The following SDK1 variants were observed in gnomAD, a reference collection of about 807,000 sequenced individuals.
The protein encoded by SDK1 is sidekick cell adhesion molecule 1.
Under a neutral mutation model 245.5 loss-of-function variants are expected in SDK1, and 157 were observed. The ratio of observed to expected loss-of-function variants is 0.64; its 90% CI spans 0.56 to 0.73. The LOEUF is 0.73. Ranked by LOEUF, SDK1 falls within the 30% of genes least tolerant of loss-of-function variation. SDK1 has a pLI of 0.00. For synonymous variants in SDK1, 1,647 were observed against 1,278.5 expected (o/e 1.29, Z -6.15); for missense variants, 3,583 against 3,002.3 (o/e 1.19, Z -4.52).
At chr7:4,151,898 G>A (rs1246328504) in intron 30 of SDK1, among the ~76,000 whole-genome samples, 2 of 152,192 alleles carry the variant, frequency 1.3e-5, no homozygotes, top group Non-Finnish European at 2.9e-5. Context: ...TGAGCCAGAG[G>A]TCAAGGCTCC....
chr7:3,633,761 A>G (rs566857354), intron 2 of SDK1, among the ~76,000 whole-genome samples: 1 of 152,316 alleles, frequency 6.6e-6, no homozygotes, highest in South Asian at 2.1e-4. Context: ...AACCACAGAA[A>G]CCAACTTTCT....
chr7:3,924,254 G>A (rs541899953), intron 5 of SDK1, among the ~76,000 whole-genome samples: 3 of 152,154 alleles, frequency 2.0e-5, no homozygotes, highest in Admixed American at 6.5e-5. Flanking sequence ...GAGCAGTTGC[G>A]TGGAAGGAGA....
At chr7:3,705,969 A>G (rs1352393832) in intron 4 of SDK1, among the ~76,000 whole-genome samples, 1 of 152,152 alleles carries the variant, frequency 6.6e-6, no homozygotes, top group Non-Finnish European at 1.5e-5. Context: ...GAGGGTTTTT[A>G]TAATAAAGGG....
intron 37 of SDK1, 41 bp from the exon 38 acceptor site, chr7:4,209,984 A>G (rs759858159): frequency 1.3e-6 from 2 of 1,509,158 alleles, no homozygotes; most frequent in South Asian, 1.3e-5. Flanking sequence ...TGATCTATGT[A>G]GGAGCCCCTG....
intron 5 of SDK1, among the ~76,000 whole-genome samples, chr7:3,846,796 G>A (rs1430419850): frequency 6.6e-6 from 1 of 152,020 alleles, no homozygotes; most frequent in Non-Finnish European, 1.5e-5. Context: ...CCTATCAGGA[G>A]ATCCCCTTCT....
rs185156445 is a variant in SDK1, at chr7:3,706,559, A to G, written c.713+64454A>G. Among the ~76,000 whole-genome samples, 243 of 152,000 alleles carry G rather than the reference A, an allele frequency of 1.6e-3. 4 individuals carry two copies. The highest frequency in any genetic ancestry group is 5.4e-3 in the African/African-American group (224 of 41,454). On this transcript the variant is annotated intron_variant, in intron 4 of 44. Transcript: ENST00000404826. ...TGGGACTACAGGTGCCCGCCACCAC[A>G]CCCGGCTAATTTTTTTGTATTTTTA...
intron 5 of SDK1, among the ~76,000 whole-genome samples, chr7:3,906,769 A>T (rs1778957643): frequency 6.6e-6 from 1 of 151,810 alleles, no homozygotes. Flanking sequence ...CTGGGACTAC[A>T]GGTGCACGCC....
At chr7:4,205,711 A>G (rs1268625807) in intron 35 of SDK1, among the ~76,000 whole-genome samples, 168 bp from the exon 36 acceptor site, 1 of 152,254 alleles carries the variant, frequency 6.6e-6, no homozygotes, top group Non-Finnish European at 1.5e-5. Flanking sequence ...GGATCCCAGG[A>G]CATAACTGTC....
chr7:3,605,816 C>T (rs1583218795), intron 1 of SDK1, among the ~76,000 whole-genome samples: 2 of 151,820 alleles, frequency 1.3e-5, no homozygotes, highest in Non-Finnish European at 2.9e-5. Context: ...TAGTCTAGGA[C>T]ATTTAAATTT....
intron 4 of SDK1, among the ~76,000 whole-genome samples, chr7:3,764,720 A>G (rs757940455): frequency 9.9e-5 from 15 of 152,014 alleles, no homozygotes; most frequent in Non-Finnish European, 1.8e-4. Context: ...ATCATCCTAA[A>G]CATACAATTT....
intron 32 of SDK1, 133 bp from the exon 33 acceptor site, chr7:4,174,089 T>G: frequency 3.3e-6 from 3 of 915,368 alleles, no homozygotes; most frequent in Non-Finnish European, 5.1e-6. Flanking sequence ...TTGATGAATC[T>G]GACACCTGTC....
chr7:4,087,466 GACAC>G (rs1357807004), intron 22 of SDK1, among the ~76,000 whole-genome samples: 4 of 125,678 alleles, frequency 3.2e-5, no homozygotes, highest in Non-Finnish European at 6.3e-5. Context: ...TGTGTGCACA[GACAC>G]ACACGCGCGC....
chr7:3,453,312 C>T (rs556357320), intron 1 of SDK1, among the ~76,000 whole-genome samples: 1 of 152,310 alleles, frequency 6.6e-6, no homozygotes, highest in South Asian at 2.1e-4. Flanking sequence ...CCCTGGTCCC[C>T]TGAATAAGTT....
At chr7:4,148,566 G>A (rs1172864207) in intron 29 of SDK1, among the ~76,000 whole-genome samples, 8 of 152,202 alleles carry the variant, frequency 5.3e-5, no homozygotes, top group African/African-American at 1.9e-4. Context: ...AGGAAATTCA[G>A]CGTTAAAGGT....
intron 22 of SDK1, among the ~76,000 whole-genome samples, chr7:4,099,799 C>A (rs771691654): frequency 2.7e-5 from 4 of 150,758 alleles, no homozygotes; most frequent in Non-Finnish European, 4.4e-5. Context: ...GGAGCCGCAG[C>A]TGGTGGGAAA....
At chr7:4,036,975 C>T (rs7797081) in intron 17 of SDK1, among the ~76,000 whole-genome samples, 47,739 of 152,094 alleles carry the variant, frequency 0.31, 11,730 homozygotes, top group African/African-American at 0.69. Flanking sequence ...TGCCCAAAGA[C>T]GTCATTTAAG....
intron 4 of SDK1, among the ~76,000 whole-genome samples, chr7:3,773,738 G>A (rs943196307): frequency 6.6e-6 from 1 of 152,136 alleles, no homozygotes; most frequent in Non-Finnish European, 1.5e-5. Context: ...CTGTTTCTGT[G>A]CCATGGATCA....
chr7:3,965,583 C>A (rs1472710079), intron 9 of SDK1, among the ~76,000 whole-genome samples: 2 of 152,188 alleles, frequency 1.3e-5, no homozygotes, highest in Non-Finnish European at 2.9e-5. Flanking sequence ...CAAGCGGCTG[C>A]TGAGCATCTG....
intron 22 of SDK1, among the ~76,000 whole-genome samples, chr7:4,104,706 T>G (rs760277423): frequency 2.6e-5 from 4 of 152,110 alleles, no homozygotes; most frequent in Non-Finnish European, 5.9e-5. Context: ...ATGTATGTAT[T>G]TATTTATTTA....
Sources: allele counts gnomAD v4.1 joint callset (sites outside exome capture counted in the v4.1 genomes callset), GRCh38; gene constraint gnomAD v4.1.1; transcripts MANE v1.5; gene names NCBI Gene and HGNC (gene_info 2026-07-23, HGNC 2026-07-21).